Variants in LSAMP observed in about 807,000 individuals in gnomAD.
LSAMP encodes the protein limbic system associated membrane protein, also known as limbic system-associated membrane protein.
In LSAMP, 7 loss-of-function variants were observed where a neutral mutation model predicts 38.6. The observed-to-expected ratio is 0.18, with a 90% CI of 0.10 to 0.34. The LOEUF (loss-of-function observed/expected upper bound fraction) is 0.34, where lower values mean the gene tolerates loss of function less well. LSAMP is among the 10% of genes least tolerant of loss of function. LSAMP has a pLI of 1.00. For missense variants in LSAMP, 313 were observed against 420.0 expected (o/e 0.75, Z 2.23); for synonymous variants, 154 against 166.8 (o/e 0.92, Z 0.59).
At chr3:116,097,039 A>G (rs1384063478) in intron 1 of LSAMP, among the ~76,000 whole-genome samples, 2 of 152,212 alleles carry the variant, frequency 1.3e-5, no homozygotes, top group East Asian at 3.8e-4. Flanking sequence ...TTGGAAAGAG[A>G]AAAAACTGCC....
intron 1 of LSAMP, among the ~76,000 whole-genome samples, chr3:116,273,863 A>T (rs2107673899): frequency 7.0e-6 from 1 of 143,852 alleles, no homozygotes; most frequent in South Asian, 2.2e-4. Context: ...GTCTGGGCTT[A>T]TTCTTCTAAT....
intron 1 of LSAMP, among the ~76,000 whole-genome samples, chr3:116,282,480 T>C (rs1390479091): frequency 1.3e-5 from 2 of 152,226 alleles, no homozygotes; most frequent in African/African-American, 4.8e-5. Flanking sequence ...AGCATCTCCT[T>C]GTGAAACACG....
At chr3:115,944,768 A>G (rs1432698979) in intron 3 of LSAMP, among the ~76,000 whole-genome samples, 4 of 152,206 alleles carry the variant, frequency 2.6e-5, no homozygotes, top group Non-Finnish European at 2.9e-5. Flanking sequence ...TGGCTGAGCT[A>G]GAATTAAAAC....
At chr3:116,444,392 A>ACACACTCACACAC (rs141638402) in intron 1 of LSAMP, among the ~76,000 whole-genome samples, 1 of 144,248 alleles carries the variant, frequency 6.9e-6, no homozygotes, top group Non-Finnish European at 1.5e-5. Flanking sequence ...TGGCATGAAA[A>ACACACTCACACAC]ACACACACAC....
chr3:116,343,584 T>C (rs760486063), intron 1 of LSAMP, among the ~76,000 whole-genome samples: 6 of 152,128 alleles, frequency 3.9e-5, no homozygotes, highest in Non-Finnish European at 5.9e-5. Flanking sequence ...TATAAGATGG[T>C]CTGTACTGCT....
At chr3:116,444,806 A>T in intron 1 of LSAMP, 71 bp downstream of exon 1, 2 of 1,523,364 alleles carry the variant, frequency 1.3e-6, no homozygotes, top group Non-Finnish European at 1.8e-6. Context: ...ACACACACAC[A>T]CACAAACACA....
At chr3:116,323,483 A>G (rs2047732573) in intron 1 of LSAMP, among the ~76,000 whole-genome samples, 1 of 152,078 alleles carries the variant, frequency 6.6e-6, no homozygotes, top group East Asian at 1.9e-4. Context: ...CCAATTAATC[A>G]TTTTTAATTG....
At chr3:116,440,240 A>T (rs1477644277) in intron 1 of LSAMP, among the ~76,000 whole-genome samples, 1 of 152,150 alleles carries the variant, frequency 6.6e-6, no homozygotes, top group Non-Finnish European at 1.5e-5. Flanking sequence ...GATGACAGGG[A>T]GAGGGACAAG....
At position 116,323,574 on chromosome 3, in the gene LSAMP, G is replaced by C. The variant is rs542444723; in HGVS notation, c.155+121303C>G. ...GATAAGGATATTTCTGTACATAGAT[G>C]AATTATCTTCCATCTTGGTAACTTT... On this transcript the variant is annotated intron_variant, in intron 1 of 6. Transcript: ENST00000490035. Among the ~76,000 whole-genome samples the C allele has an allele frequency of 5.9e-5, 9 of 152,200 alleles. No individual in the cohort carries two copies. In the South Asian group the frequency reaches 1.9e-3, roughly 32 times the overall value.
Position 116,240,903 on chromosome 3 carries a change from C to T in LSAMP, c.156-154347G>A, listed in dbSNP as rs563553947. ...TCCTTAACCTGCAGACAGCTGGGTG[C>T]GGTGGCTCATGCCTGTAATCCCAGC... On this transcript the variant is annotated intron_variant, in intron 1 of 6. Transcript: ENST00000490035. Among the ~76,000 whole-genome samples the T allele has an allele frequency of 3.9e-5, 6 of 152,148 alleles. No homozygotes were observed. In the South Asian group the frequency reaches 8.3e-4, roughly 21 times the overall value.
intron 1 of LSAMP, among the ~76,000 whole-genome samples, chr3:116,275,996 G>A (rs568026711): frequency 6.6e-6 from 1 of 152,182 alleles, no homozygotes; most frequent in Non-Finnish European, 1.5e-5. Context: ...CATGCATGAG[G>A]AGACAGAAAA....
chr3:116,154,277 C>T (rs534310331), intron 1 of LSAMP, among the ~76,000 whole-genome samples: 34 of 152,220 alleles, frequency 2.2e-4, no homozygotes, highest in Admixed American at 1.8e-3. Flanking sequence ...TAATTATGCT[C>T]ATTATGCTAC....
At chr3:116,223,030 G>C (rs1294248570) in intron 1 of LSAMP, among the ~76,000 whole-genome samples, 1 of 151,982 alleles carries the variant, frequency 6.6e-6, no homozygotes, top group Non-Finnish European at 1.5e-5. Context: ...GAGCCACCGC[G>C]CCCGGCCTCA....
chr3:115,819,900 A>G (rs145473930), intron 6 of LSAMP, among the ~76,000 whole-genome samples: 68 of 152,254 alleles, frequency 4.5e-4, no homozygotes, highest in Admixed American at 1.6e-3. Flanking sequence ...GAACATTCTG[A>G]GCACATTTTT....
At chr3:116,325,289 T>C (rs954037944) in intron 1 of LSAMP, among the ~76,000 whole-genome samples, 2 of 151,974 alleles carry the variant, frequency 1.3e-5, no homozygotes, top group African/African-American at 4.8e-5. Flanking sequence ...TACAGGTGTA[T>C]ACCACCACAC....
chr3:115,823,370 A>G (rs529374612), intron 6 of LSAMP, among the ~76,000 whole-genome samples: 1 of 152,372 alleles, frequency 6.6e-6, no homozygotes, highest in East Asian at 1.9e-4. Flanking sequence ...AACGAATAAC[A>G]GAAACATGCC....
At chr3:116,216,632 T>G (rs901090053) in intron 1 of LSAMP, among the ~76,000 whole-genome samples, 1 of 152,018 alleles carries the variant, frequency 6.6e-6, no homozygotes, top group African/African-American at 2.4e-5. Context: ...AAAAAACTGT[T>G]TAGGAAAAAA....
intron 3 of LSAMP, among the ~76,000 whole-genome samples, chr3:115,968,327 G>T (rs72957738): frequency 0.022 from 3,317 of 152,162 alleles, 109 homozygotes; most frequent in African/African-American, 0.074. Flanking sequence ...TCGCCTGTGA[G>T]TCACAACCAA....
At chr3:116,194,293 C>G (rs1203173098) in intron 1 of LSAMP, among the ~76,000 whole-genome samples, 4 of 152,068 alleles carry the variant, frequency 2.6e-5, no homozygotes, top group Admixed American at 6.5e-5. Flanking sequence ...GCGGAAGACA[C>G]AAACCGAAAA....
Sources: gnomAD v4.1 joint callset for allele counts (sites outside exome capture counted in the v4.1 genomes callset) on GRCh38, gnomAD v4.1.1 for gene constraint, MANE v1.5 for transcripts, NCBI Gene and HGNC (gene_info 2026-07-23, HGNC 2026-07-21) for gene names.